STPG4: variants seen among roughly 807,000 people sequenced by gnomAD.
STPG4 encodes the protein protein STPG4.
STPG4 carries 41 observed loss-of-function variants against 31.5 expected under a neutral mutation model. That is an observed-to-expected ratio of 1.30 (90% CI 1.01 to 1.69). The LOEUF (loss-of-function observed/expected upper bound fraction) is 1.69, where lower values mean the gene tolerates loss of function less well. Ranked by LOEUF, STPG4 falls within the 40% of genes most tolerant of loss-of-function variation. The pLI is 0.00. For missense variants in STPG4, 375 were observed against 293.4 expected (o/e 1.28, Z -2.03); for synonymous variants, 141 against 103.0 (o/e 1.37, Z -2.24).
intron 5 of STPG4, among the ~76,000 whole-genome samples, chr2:47,102,597 T>C (rs1313909633): frequency 1.3e-5 from 2 of 151,820 alleles, no homozygotes; most frequent in Non-Finnish European, 2.9e-5. Context: ...GCAATTTACA[T>C]CCCACAGGAG....
intron 5 of STPG4, among the ~76,000 whole-genome samples, chr2:47,111,016 A>G (rs1402784482): frequency 1.3e-5 from 2 of 152,232 alleles, no homozygotes; most frequent in Non-Finnish European, 2.9e-5. Flanking sequence ...ATATCTTTGT[A>G]TAGGTGAATA....
intron 3 of STPG4, among the ~76,000 whole-genome samples, chr2:47,142,721 G>A (rs968681873): frequency 6.0e-5 from 9 of 148,898 alleles, no homozygotes; most frequent in African/African-American, 2.2e-4. Flanking sequence ...ATGTACATTT[G>A]TTTTCATGTA....
rs888097323 is a variant in STPG4 at position 47,142,577 on chromosome 2, C to T, written c.399+8681G>A. On this transcript the variant is annotated intron_variant, in intron 3 of 6. Transcript: ENST00000445927. The stretch of plus-strand genomic sequence containing the variant: ...AAGAGTATCATTTACACATTGAAAA[C>T]AATATCAACAGAAAGAAAAAAATTA... Among the ~76,000 whole-genome samples the T allele has an allele frequency of 2.6e-5, 4 of 152,016 alleles. 1 individual carries two copies. In the East Asian group the frequency reaches 7.7e-4, roughly 29 times the overall value.
chr2:47,116,666 T>A (rs1012140486), intron 5 of STPG4, among the ~76,000 whole-genome samples: 2 of 152,190 alleles, frequency 1.3e-5, no homozygotes, highest in African/African-American at 4.8e-5. Flanking sequence ...CTAATTCTTG[T>A]CTCATTTATG....
At chr2:47,136,795 TA>T (rs1686606353) in intron 3 of STPG4, among the ~76,000 whole-genome samples, 1 of 152,238 alleles carries the variant, frequency 6.6e-6, no homozygotes, top group South Asian at 2.1e-4. Flanking sequence ...ATTGCTGGTA[TA>T]TATACCAGTA....
chr2:47,144,826 G>A (rs1202894433), intron 3 of STPG4, among the ~76,000 whole-genome samples: 1 of 152,126 alleles, frequency 6.6e-6, no homozygotes, highest in Non-Finnish European at 1.5e-5. Flanking sequence ...CGCCTCCCAG[G>A]TTCAAACGAT....
At chr2:47,131,981 A>G (rs1043138959) in intron 3 of STPG4, among the ~76,000 whole-genome samples, 3 of 152,168 alleles carry the variant, frequency 2.0e-5, no homozygotes, top group Non-Finnish European at 4.4e-5. Flanking sequence ...CCTGACCAAC[A>G]TGGCAAAACC....
At chr2:47,107,264 G>C (rs1290215310) in intron 5 of STPG4, among the ~76,000 whole-genome samples, 2 of 152,098 alleles carry the variant, frequency 1.3e-5, no homozygotes, top group African/African-American at 2.4e-5. Flanking sequence ...CCCTCAGCTT[G>C]CAGGGAGGTG....
At chr2:47,100,812 G>C (rs952182138) in intron 5 of STPG4, among the ~76,000 whole-genome samples, 5 of 151,350 alleles carry the variant, frequency 3.3e-5, no homozygotes, top group African/African-American at 4.9e-5. Context: ...TCACTCCTGA[G>C]CCAGTGATAC....
At position 47,106,146 on chromosome 2, in the gene STPG4, A is replaced by T. The variant is rs190822771; in HGVS notation, c.520-15772T>A. On this transcript the variant is annotated intron_variant, in intron 5 of 6. Transcript: ENST00000445927. Reference sequence around the variant, plus strand: ...AGAAGTCAAAGAGAAAAAAAGAGAGATGGAAGTAGTAAAGAAAAAACACTG... The same window carrying T: ...AGAAGTCAAAGAGAAAAAAAGAGAGTTGGAAGTAGTAAAGAAAAAACACTG... Among the ~76,000 whole-genome samples, 26 of 152,076 alleles carry T rather than the reference A, an allele frequency of 1.7e-4. 1 individual carries two copies. Among genetic ancestry groups the T allele is most frequent in the Admixed American group, 1.6e-3 (24 of 15,282 alleles).
At chr2:47,142,607 T>G (rs1304261737) in intron 3 of STPG4, among the ~76,000 whole-genome samples, 1 of 152,014 alleles carries the variant, frequency 6.6e-6, no homozygotes, top group Non-Finnish European at 1.5e-5. Flanking sequence ...AAATTAATAG[T>G]CTCCTTGCTC....
Position 47,087,125 on chromosome 2 carries a change from G to A in STPG4, c.630C>T (p.Thr210=). Residue 210 remains threonine (T), a synonymous_variant, in exon 7 of 7, where the codon ACC becomes ACT. Coordinates refer to ENST00000445927, the MANE Select transcript of STPG4 (RefSeq NM_001163561.2). ...VPRFLPSCSK[T]PGPGAYTTLR... is the part of the protein sequence containing the mutation. ...AAGTTGTATATGCTCCTGGGCCTGG[G>A]GTTTTCTGAAAACAGAGCAGAAAAC... is the stretch of plus-strand genomic sequence containing the variant. 2 of 1,551,658 alleles carry A rather than the reference G, an allele frequency of 1.3e-6. No homozygotes were observed. The highest frequency in any genetic ancestry group is 1.7e-6 in the Non-Finnish European group (2 of 1,146,974).
At chr2:47,136,366 T>C (rs1686596981) in intron 3 of STPG4, among the ~76,000 whole-genome samples, 1 of 152,280 alleles carries the variant, frequency 6.6e-6, no homozygotes, top group African/African-American at 2.4e-5. Flanking sequence ...CAGGCTGGTC[T>C]CAAACTCCTG....
chr2:47,136,636 G>T (rs997520274), intron 3 of STPG4, among the ~76,000 whole-genome samples: 1 of 152,132 alleles, frequency 6.6e-6, no homozygotes, highest in Admixed American at 6.6e-5. Context: ...CTATCATCAT[G>T]AGTTTTGACA....
intron 5 of STPG4, among the ~76,000 whole-genome samples, chr2:47,095,104 A>G (rs557622135): frequency 2.6e-5 from 4 of 152,324 alleles, no homozygotes; most frequent in East Asian, 1.9e-4. Context: ...CCCCCCAATC[A>G]TAAGTCCTGT....
intron 5 of STPG4, among the ~76,000 whole-genome samples, chr2:47,095,228 A>G (rs1685645928): frequency 6.6e-6 from 1 of 152,168 alleles, no homozygotes; most frequent in African/African-American, 2.4e-5. Flanking sequence ...ATTTGGAAAT[A>G]GGGTTGTTGC....
intron 5 of STPG4, among the ~76,000 whole-genome samples, chr2:47,116,919 A>G (rs1558678475): frequency 6.6e-6 from 1 of 152,168 alleles, no homozygotes; most frequent in Non-Finnish European, 1.5e-5. Context: ...AGAAAGATAT[A>G]AATACAAATT....
chr2:47,088,047 C>T (rs1046277926), intron 6 of STPG4, among the ~76,000 whole-genome samples: 2 of 152,090 alleles, frequency 1.3e-5, no homozygotes, highest in Non-Finnish European at 2.9e-5. Context: ...GCCACAGCAC[C>T]CAGCCGGGGT....
intron 3 of STPG4, among the ~76,000 whole-genome samples, chr2:47,131,980 C>T (rs1238941949): frequency 1.3e-5 from 2 of 152,144 alleles, no homozygotes; most frequent in Non-Finnish European, 2.9e-5. Context: ...GCCTGACCAA[C>T]ATGGCAAAAC....
Sources: allele counts gnomAD v4.1 joint callset (sites outside exome capture counted in the v4.1 genomes callset), GRCh38; gene constraint gnomAD v4.1.1; transcripts MANE v1.5; gene names NCBI Gene and HGNC (gene_info 2026-07-23, HGNC 2026-07-21).